Variants in TENM3 observed in about 807,000 individuals in gnomAD.
TENM3 encodes teneurin-3.
In TENM3, 63 loss-of-function variants were observed where a neutral mutation model predicts 255.1. That is an observed-to-expected ratio of 0.25 (90% CI 0.20 to 0.30). The LOEUF is 0.30. Among genes scored for constraint, TENM3 ranks in the 10% least tolerant of loss-of-function variants. The probability of loss-of-function intolerance (pLI) is 1.00; values close to 1 mark genes in which losing one functional copy is unlikely to be tolerated. For missense variants in TENM3, 2,929 were observed against 3,461.1 expected, an observed-to-expected ratio of 0.85 and a Z score of 3.86; for synonymous variants, 1,306 against 1,322.3, an observed-to-expected ratio of 0.99 and a Z score of 0.27.
chr4:181,788,805 C>T, the TENM3 span, among the ~76,000 whole-genome samples: 17 of 152,234 alleles, frequency 1.1e-4, no homozygotes, highest in Middle Eastern at 3.4e-3. Flanking sequence ...ACTATGTTGC[C>T]CAGGCTGGTC....
At chr4:182,391,291 TA>T (rs560350984) in intron 3 of TENM3, among the ~76,000 whole-genome samples, 34 of 152,228 alleles carry the variant, frequency 2.2e-4, no homozygotes, top group Non-Finnish European at 4.3e-4. Context: ...GAGGCCCAGA[TA>T]AATTAACTAA....
At chr4:181,925,664 A>G in the TENM3 span, among the ~76,000 whole-genome samples, 9 of 152,182 alleles carry the variant, frequency 5.9e-5, no homozygotes, top group African/African-American at 1.7e-4. Context: ...ATGGAGTGCA[A>G]CTTTGCCGCC....
intron 1 of TENM3, among the ~76,000 whole-genome samples, chr4:182,199,266 C>T (rs1159966200): frequency 1.3e-5 from 2 of 152,054 alleles, no homozygotes; most frequent in Non-Finnish European, 2.9e-5. Flanking sequence ...GAGCTCAAGA[C>T]CAGCCTGGCC....
Position 182,792,382 on chromosome 4 carries a change from A to G in TENM3, c.5710A>G (p.Thr1904Ala). The change falls in exon 26 of 28, where the codon ACC becomes GCC. Residue 1904 changes from threonine (T) to alanine (A), a missense_variant. Physicochemically the swap from Thr to Ala is moderately conservative, Grantham distance 58 (BLOSUM62 0). Transcript: ENST00000511685. This position sits in a 1 kb window ranked among gnomAD's most constrained non-coding sequence, Gnocchi z 6.3. ...MPSVARHTMQ[T>A]IRSIGYYRNI... ...CAGTGTGGCTCGCCACACCATGCAGACCATCCGATCCATTGGCTACTACCG... is the reference window on the plus strand; with the variant it reads ...CAGTGTGGCTCGCCACACCATGCAGGCCATCCGATCCATTGGCTACTACCG... The G allele has an allele frequency of 6.2e-7, 1 of 1,613,910 alleles. No individual in the cohort carries two copies. Among genetic ancestry groups the G allele is most frequent in the Non-Finnish European group, 8.5e-7 (1 of 1,179,902 alleles).
intron 1 of TENM3, among the ~76,000 whole-genome samples, chr4:182,251,671 C>T (rs1166839600): frequency 5.3e-5 from 8 of 152,118 alleles, no homozygotes; most frequent in East Asian, 1.9e-4. Flanking sequence ...ATTCCCTCCT[C>T]GAGGTGTAAG....
chr4:182,688,492 A>G (rs371908879), intron 12 of TENM3, 141 bp downstream of exon 12: 61 of 673,088 alleles, frequency 9.1e-5, no homozygotes, highest in Middle Eastern at 8.8e-4. Flanking sequence ...TTTTTTAAAT[A>G]TGGTTGTCAT....
the TENM3 span, among the ~76,000 whole-genome samples, chr4:182,072,933 A>G: frequency 2.6e-4 from 39 of 152,338 alleles, no homozygotes; most frequent in African/African-American, 9.1e-4. Context: ...AAATGAGATT[A>G]TAAGGGTGAA....
intron 19 of TENM3, among the ~76,000 whole-genome samples, chr4:182,744,759 G>C (rs1322614401): frequency 6.6e-6 from 1 of 152,154 alleles, no homozygotes; most frequent in African/African-American, 2.4e-5. Flanking sequence ...CTAGATTTAA[G>C]AAGTAATGTT....
At chr4:181,543,788 TA>T in the TENM3 span, among the ~76,000 whole-genome samples, 1 of 152,360 alleles carries the variant, frequency 6.6e-6, no homozygotes, top group South Asian at 2.1e-4. Context: ...GGGCCACTGC[TA>T]GCCACATTTT....
intron 1 of TENM3, among the ~76,000 whole-genome samples, chr4:182,284,349 C>T (rs1002158235): frequency 6.6e-6 from 1 of 152,124 alleles, no homozygotes; most frequent in Non-Finnish European, 1.5e-5. Context: ...ATGTTAATCT[C>T]TTATAAAGTT....
intron 12 of TENM3, among the ~76,000 whole-genome samples, chr4:182,691,970 A>C (rs17073852): frequency 6.6e-6 from 1 of 151,554 alleles, no homozygotes; most frequent in South Asian, 2.1e-4. Flanking sequence ...GATTATACTC[A>C]TGTGCTGCCA....
chr4:181,451,122 G>C, the TENM3 span, among the ~76,000 whole-genome samples: 1 of 152,130 alleles, frequency 6.6e-6, no homozygotes, highest in Non-Finnish European at 1.5e-5. Flanking sequence ...TAGAGGGTAG[G>C]GGTGGGGGTT....
chr4:181,909,988 A>G, the TENM3 span, among the ~76,000 whole-genome samples: 4 of 152,312 alleles, frequency 2.6e-5, no homozygotes, highest in East Asian at 7.7e-4. Context: ...ATGTATACAA[A>G]AGAATATCAA....
At chr4:182,775,713 A>G (rs933794929) in intron 24 of TENM3, among the ~76,000 whole-genome samples, 1 of 152,186 alleles carries the variant, frequency 6.6e-6, no homozygotes, top group Non-Finnish European at 1.5e-5. Context: ...GACTTCATCA[A>G]AAGACACAAA....
At chr4:182,216,488 A>G (rs1755477434) in intron 1 of TENM3, among the ~76,000 whole-genome samples, 2 of 152,116 alleles carry the variant, frequency 1.3e-5, no homozygotes, top group African/African-American at 4.8e-5. Context: ...AATCATCCTG[A>G]TATCAGTTAT....
At chr4:181,533,317 AC>A in the TENM3 span, among the ~76,000 whole-genome samples, 1 of 152,194 alleles carries the variant, frequency 6.6e-6, no homozygotes. Flanking sequence ...GTGTCACAGT[AC>A]CGCCACCATC....
At chr4:181,700,457 T>A in the TENM3 span, among the ~76,000 whole-genome samples, 1 of 152,222 alleles carries the variant, frequency 6.6e-6, no homozygotes, top group African/African-American at 2.4e-5. Context: ...CGATATGTGA[T>A]CTCATTAAGC....
the TENM3 span, among the ~76,000 whole-genome samples, chr4:182,102,653 A>G: frequency 6.6e-6 from 1 of 152,162 alleles, no homozygotes; most frequent in Non-Finnish European, 1.5e-5. Flanking sequence ...TTTGTATTGC[A>G]TGGAGTGTGA....
chr4:181,893,490 C>CA, the TENM3 span, among the ~76,000 whole-genome samples: 6 of 12,018 alleles, frequency 5.0e-4, no homozygotes, highest in Non-Finnish European at 1.3e-3. Context: ...TTCCCCTGCC[C>CA]ACCCCCCCCC....
Sources: gnomAD v4.1 joint callset for allele counts (sites outside exome capture counted in the v4.1 genomes callset) on GRCh38, gnomAD v4.1.1 for gene constraint, Gnocchi (gnomAD v3.1) non-coding constraint, MANE v1.5 for transcripts, NCBI Gene and HGNC (gene_info 2026-07-23, HGNC 2026-07-21) for gene names.